SYNE1: variants seen among roughly 807,000 people sequenced by gnomAD.
SYNE1 encodes nesprin-1.
A neutral mutation model predicts 1,111.0 loss-of-function variants in SYNE1; 616 were observed. The ratio of observed to expected loss-of-function variants is 0.55; its 90% CI spans 0.52 to 0.59. The LOEUF is 0.59. Ranked by LOEUF, SYNE1 falls within the 20% of genes least tolerant of loss-of-function variation. The probability of loss-of-function intolerance (pLI) is 0.00; values close to 1 mark genes in which losing one functional copy is unlikely to be tolerated. For missense variants in SYNE1, 10,006 were observed against 10,417.0 expected, an observed-to-expected ratio of 0.96 and a Z score of 1.72; for synonymous variants, 3,855 against 3,825.8, an observed-to-expected ratio of 1.01 and a Z score of -0.28.
rs1213621055 is a variant in SYNE1, at chr6:152,136,794, G to A, written c.25483C>T (p.Arg8495Cys). Residue 8495 changes from arginine to cysteine, a missense_variant, in exon 141 of 146, where the codon CGC becomes TGC. Arg to Cys is a radical substitution (Grantham distance 180, BLOSUM62 -3). Around this residue, in one of 7 missense-constraint regions of SYNE1, gnomAD observed 761 missense variants for 795.5 expected, o/e 0.96. Transcript: ENST00000367255. ...LKELQKAVDH[R>C]KAIILSINLC... Reference sequence around the variant, plus strand: ...TTGATGGAGAGGATGATGGCTTTGCGGTGGTCCACAGCTTTCTGGAGCTCC... The same window carrying A: ...TTGATGGAGAGGATGATGGCTTTGCAGTGGTCCACAGCTTTCTGGAGCTCC... 5.6e-6 allele frequency: 9 copies of A among 1,614,074 alleles called. No individual in the cohort carries two copies. Among genetic ancestry groups the A allele is most frequent in the Middle Eastern group, 1.6e-4 (1 of 6,084 alleles).
chr6:152,436,389 A>G (rs958531092), intron 32 of SYNE1, among the ~76,000 whole-genome samples: 1 of 151,708 alleles, frequency 6.6e-6, no homozygotes, highest in African/African-American at 2.4e-5. Flanking sequence ...GCAGCTTCCA[A>G]CTCCTGGGTT....
At chr6:152,126,885 T>C (rs1249493525) in intron 145 of SYNE1, 13 of 152,258 alleles carry the variant, frequency 8.5e-5, no homozygotes, top group Admixed American at 7.8e-4. Flanking sequence ...ATTTCGTGCA[T>C]GCATCATTTA....
At chr6:152,572,707 T>A (rs2099469549) in intron 3 of SYNE1, among the ~76,000 whole-genome samples, 1 of 152,002 alleles carries the variant, frequency 6.6e-6, no homozygotes, top group Non-Finnish European at 1.5e-5. Context: ...GGATGAAGAG[T>A]AACTTAAAAA....
chr6:152,499,951 T>A (rs1391437942), intron 10 of SYNE1, among the ~76,000 whole-genome samples: 6 of 152,224 alleles, frequency 3.9e-5, no homozygotes, highest in Non-Finnish European at 7.4e-5. Context: ...ATCAATAGAT[T>A]GTGTGTTTCG....
chr6:152,251,004 C>T (rs927879303), intron 104 of SYNE1, among the ~76,000 whole-genome samples: 1 of 152,148 alleles, frequency 6.6e-6, no homozygotes, highest in Non-Finnish European at 1.5e-5. Flanking sequence ...GGCTGGAGTG[C>T]GGTGGCGCGA....
chr6:152,349,811 A>G (rs544683423), intron 72 of SYNE1, among the ~76,000 whole-genome samples: 1 of 152,246 alleles, frequency 6.6e-6, no homozygotes, highest in Admixed American at 6.5e-5. Flanking sequence ...ATAGCAAATA[A>G]GTCTCATGAG....
At chr6:152,551,626 A>T (rs1335928409) in intron 3 of SYNE1, among the ~76,000 whole-genome samples, 1 of 152,210 alleles carries the variant, frequency 6.6e-6, no homozygotes, top group East Asian at 1.9e-4. Flanking sequence ...ATATATTAGT[A>T]TATTTAAAAA....
rs2086582273 is a variant in SYNE1 at position 152,244,481 on chromosome 6, T to C, written c.19692+56A>G. On this transcript the variant is annotated intron_variant, in intron 106 of 145. Transcript: ENST00000367255. ...CCAAGAAAAATAAAGTGATTTTTTC[T>C]AGACTTCAAGTTTGATGTACCCCTG... The C allele has an allele frequency of 5.6e-6, 9 of 1,613,038 alleles. No individual in the cohort carries two copies. The East Asian group carries it at 2.0e-4, about 36-fold the overall frequency.
chr6:152,556,019 T>C (rs1490827937), intron 3 of SYNE1, among the ~76,000 whole-genome samples: 1 of 152,208 alleles, frequency 6.6e-6, no homozygotes, highest in African/African-American at 2.4e-5. Flanking sequence ...TATCATCTTA[T>C]ATGTAAACAT....
intron 93 of SYNE1, among the ~76,000 whole-genome samples, chr6:152,296,430 T>C (rs1474248215): frequency 6.6e-6 from 1 of 152,224 alleles, no homozygotes; most frequent in Non-Finnish European, 1.5e-5. Flanking sequence ...GAAAAAACAA[T>C]GAAGTATTAT....
Position 152,269,255 on chromosome 6 carries a change from A to T in SYNE1, c.18605T>A (p.Val6202Asp), listed in dbSNP as rs986634764. 3 of 1,614,070 alleles carry T rather than the reference A, an allele frequency of 1.9e-6. No homozygotes were observed. The highest frequency in any genetic ancestry group is 1.7e-5 in the Admixed American group (1 of 60,004). ...GTAQEKEESD[V>D]DLTATQSPGV... ...GGGGCTCTGCGTGGCTGTTAGGTCA[A>T]CATCGCTCTCCTCCTTCTCCTGTGC... Residue 6202 changes from valine (V) to aspartate (D), a missense_variant, in exon 99 of 146, where the codon GTT (valine) becomes GAT (aspartate). By Grantham distance (152) the Val-to-Asp change is radical. Coordinates refer to ENST00000367255, the MANE Select transcript of SYNE1 (RefSeq NM_182961.4).
intron 16 of SYNE1, among the ~76,000 whole-genome samples, chr6:152,467,102 T>C (rs1252539842): frequency 3.9e-5 from 6 of 152,128 alleles, no homozygotes; most frequent in Admixed American, 2.6e-4. Flanking sequence ...AAAAATTGTA[T>C]CTATAACATA....
At chr6:152,573,547 C>T (rs1449532372) in intron 3 of SYNE1, among the ~76,000 whole-genome samples, 1 of 152,072 alleles carries the variant, frequency 6.6e-6, no homozygotes, top group Non-Finnish European at 1.5e-5. Flanking sequence ...TTGCTCACAA[C>T]TCTTCTTTCC....
intron 42 of SYNE1, among the ~76,000 whole-genome samples, chr6:152,411,121 T>A (rs2098029322): frequency 6.6e-6 from 1 of 152,200 alleles, no homozygotes; most frequent in African/African-American, 2.4e-5. Flanking sequence ...GGTCATTTTT[T>A]AAAATGCATA....
intron 102 of SYNE1, 116 bp downstream of exon 102, chr6:152,256,518 T>G (rs1342040713): frequency 7.6e-7 from 1 of 1,308,024 alleles, no homozygotes; most frequent in Non-Finnish European, 1.1e-6. Flanking sequence ...TTATCACTAG[T>G]GTTGGGTCTC....
At chr6:152,564,926 A>C (rs192569977) in intron 3 of SYNE1, among the ~76,000 whole-genome samples, 1 of 152,302 alleles carries the variant, frequency 6.6e-6, no homozygotes, top group Non-Finnish European at 1.5e-5. Context: ...GTAAATATTA[A>C]GTTAGATATT....
At chr6:152,271,241 T>A (rs898945292) in intron 98 of SYNE1, among the ~76,000 whole-genome samples, 2 of 152,238 alleles carry the variant, frequency 1.3e-5, no homozygotes, top group Non-Finnish European at 2.9e-5. Context: ...TTTCTTCTTT[T>A]TTTCATTAGA....
At chr6:152,580,356 G>A (rs912287812) in intron 3 of SYNE1, among the ~76,000 whole-genome samples, 7 of 152,082 alleles carry the variant, frequency 4.6e-5, no homozygotes, top group Admixed American at 4.6e-4. Flanking sequence ...TTTCAATGGG[G>A]TTGTTTAGTT....
chr6:152,312,383 A>AT (rs2153856261), intron 87 of SYNE1, among the ~76,000 whole-genome samples: 1 of 149,752 alleles, frequency 6.7e-6, no homozygotes, highest in African/African-American at 2.4e-5. Context: ...CTAATTTTGT[A>AT]TTTTTAGTAG....
Sources: allele counts gnomAD v4.1 joint callset (sites outside exome capture counted in the v4.1 genomes callset), GRCh38; gene constraint gnomAD v4.1.1; regional missense constraint gnomAD v4.1.1; transcripts MANE v1.5; gene names NCBI Gene and HGNC (gene_info 2026-07-23, HGNC 2026-07-21).